The following KLHL32 variants were observed in gnomAD, a reference collection of about 807,000 sequenced individuals.
The protein encoded by KLHL32 is kelch-like protein 32.
KLHL32 carries 35 observed loss-of-function variants against 64.8 expected under a neutral mutation model. The ratio of observed to expected loss-of-function variants is 0.54; its 90% CI spans 0.41 to 0.72. The LOEUF is 0.72. Among genes scored for constraint, KLHL32 ranks in the 30% least tolerant of loss-of-function variants. KLHL32 has a pLI of 0.00. For synonymous variants in KLHL32, 259 were observed against 281.0 expected, an observed-to-expected ratio of 0.92 and a Z score of 0.78; for missense variants, 589 against 768.5, an observed-to-expected ratio of 0.77 and a Z score of 2.76.
intron 3 of KLHL32, chr6:96,994,513 T>G (rs959764240): frequency 7.1e-6 from 7 of 985,306 alleles, no homozygotes; most frequent in Non-Finnish European, 8.4e-6. Flanking sequence ...GGCAGTTTAT[T>G]TTGAAGCTCA....
At chr6:97,060,977 CAGG>C (rs1287287948) in intron 4 of KLHL32, among the ~76,000 whole-genome samples, 1 of 152,116 alleles carries the variant, frequency 6.6e-6, no homozygotes, top group Non-Finnish European at 1.5e-5. Context: ...CTACAAATTG[CAGG>C]AGATGTTCCT....
intron 3 of KLHL32, among the ~76,000 whole-genome samples, chr6:97,006,083 A>G (rs1779627534): frequency 6.6e-6 from 1 of 152,184 alleles, no homozygotes; most frequent in Middle Eastern, 3.4e-3. Context: ...TTTTCCCTCA[A>G]TGATCTAATA....
chr6:96,913,221 C>T, the KLHL32 span, among the ~76,000 whole-genome samples: 51 of 152,110 alleles, frequency 3.4e-4, no homozygotes, highest in African/African-American at 1.2e-3. Flanking sequence ...TTGGCAACAC[C>T]CCAGCAACTA....
At chr6:97,074,012 C>A (rs1469710841) in intron 5 of KLHL32, among the ~76,000 whole-genome samples, 1 of 152,226 alleles carries the variant, frequency 6.6e-6, no homozygotes, top group African/African-American at 2.4e-5. Flanking sequence ...ATACCCTGGC[C>A]TCAGTCCTGA....
In KLHL32 at chr6:96,966,999, G is replaced by T; in HGVS notation, c.-62G>T. ...TTTCTCTTGTCTTTTTATTCAGCTG[G>T]AATGCTTGCTGATTCCTCTGCACAC... On this transcript the variant is annotated 5_prime_UTR_variant, in exon 2 of 11. Coordinates refer to ENST00000369261, the MANE Select transcript of KLHL32 (RefSeq NM_052904.4). 6.7e-7 allele frequency: 1 copy of T among 1,492,410 alleles called. No individual in the cohort carries two copies. Among genetic ancestry groups the T allele is most frequent in the Non-Finnish European group, 9.3e-7 (1 of 1,070,912 alleles). 92.4% of individuals were successfully genotyped at this position (1,492,410 alleles called of 1,614,324 possible). A position where few individuals can be genotyped will look rare whatever the true frequency, so the allele number is the denominator to read the frequency against.
chr6:96,932,924 A>G (rs1335050967), intron 1 of KLHL32, among the ~76,000 whole-genome samples: 2 of 152,160 alleles, frequency 1.3e-5, no homozygotes, highest in African/African-American at 4.8e-5. Context: ...AATGTTAGCC[A>G]TCAGAAGCCT....
intron 6 of KLHL32, among the ~76,000 whole-genome samples, chr6:97,108,445 C>A (rs1796695511): frequency 6.6e-6 from 1 of 152,076 alleles, no homozygotes; most frequent in Non-Finnish European, 1.5e-5. Flanking sequence ...ATCAGCTTTC[C>A]TCTTACTGTA....
intron 4 of KLHL32, among the ~76,000 whole-genome samples, chr6:97,054,244 T>C (rs1368284969): frequency 6.6e-6 from 1 of 152,246 alleles, no homozygotes; most frequent in African/African-American, 2.4e-5. Flanking sequence ...AATGAAGGCA[T>C]AATTTGAATG....
chr6:97,122,064 G>A (rs1050287328), intron 7 of KLHL32, among the ~76,000 whole-genome samples: 4 of 152,102 alleles, frequency 2.6e-5, no homozygotes, highest in Admixed American at 6.6e-5. Flanking sequence ...ATTATAAAGG[G>A]CAGGTGAATC....
intron 1 of KLHL32, among the ~76,000 whole-genome samples, chr6:96,945,204 C>CA (rs1771771338): frequency 6.6e-6 from 1 of 152,258 alleles, no homozygotes; most frequent in African/African-American, 2.4e-5. Flanking sequence ...AATCCTAGCA[C>CA]ATGGCTGTGC....
intron 5 of KLHL32, among the ~76,000 whole-genome samples, chr6:97,068,814 G>C (rs1790231133): frequency 6.6e-6 from 1 of 152,154 alleles, no homozygotes; most frequent in South Asian, 2.1e-4. Context: ...TAAACCAGGG[G>C]CATGTCCAAT....
chr6:97,015,067 CT>C (rs1237859404), intron 3 of KLHL32, among the ~76,000 whole-genome samples: 4 of 152,114 alleles, frequency 2.6e-5, no homozygotes, highest in African/African-American at 9.7e-5. Flanking sequence ...TTTCTCTCCC[CT>C]GCTGCCTTCT....
At chr6:96,955,479 G>T (rs962705845) in intron 1 of KLHL32, among the ~76,000 whole-genome samples, 1 of 151,986 alleles carries the variant, frequency 6.6e-6, no homozygotes, top group African/African-American at 2.4e-5. Context: ...TAGTTTCAGT[G>T]AGGTTATTTC....
At chr6:97,137,702 T>G (rs574233312) in intron 10 of KLHL32, among the ~76,000 whole-genome samples, 1 of 152,108 alleles carries the variant, frequency 6.6e-6, no homozygotes, top group South Asian at 2.1e-4. Context: ...GCCTGGCTAA[T>G]TTTTTGTATT....
At chr6:97,067,279 C>T (rs541380137) in intron 5 of KLHL32, among the ~76,000 whole-genome samples, 1 of 152,332 alleles carries the variant, frequency 6.6e-6, no homozygotes, top group East Asian at 1.9e-4. Context: ...TTCATTTCCT[C>T]TGGCAGGCTG....
chr6:97,072,095 A>T (rs1482873859), intron 5 of KLHL32, among the ~76,000 whole-genome samples: 1 of 151,970 alleles, frequency 6.6e-6, no homozygotes, highest in African/African-American at 2.4e-5. Context: ...CAGGCACATG[A>T]CCTCTCTGAG....
At chr6:96,919,366 G>GGGAAAGGGTCA in the KLHL32 span, among the ~76,000 whole-genome samples, 2 of 152,104 alleles carry the variant, frequency 1.3e-5, no homozygotes, top group African/African-American at 2.4e-5. Context: ...TAAAGAGAAC[G>GGGAAAGGGTCA]GGAAAGGGTC....
At position 97,020,835 on chromosome 6, in the gene KLHL32, GC is replaced by G. The variant is rs552014271; in HGVS notation, c.205-20656del. ...TGGCTGCCCCTTCTGAACCTTCCTT[GC>G]TAGTTTTTCCCAATCTCCCCAGCTT... On this transcript the variant is annotated intron_variant, in intron 3 of 10. Coordinates refer to ENST00000369261, the MANE Select transcript of KLHL32 (RefSeq NM_052904.4). Among the ~76,000 whole-genome samples the G allele has an allele frequency of 2.2e-4, 33 of 150,702 alleles. 1 individual carries two copies. In the South Asian group the frequency reaches 6.8e-3, roughly 31 times the overall value.
chr6:96,954,401 A>C (rs1184330867), intron 1 of KLHL32, among the ~76,000 whole-genome samples: 1 of 150,602 alleles, frequency 6.6e-6, no homozygotes, highest in East Asian at 1.9e-4. Context: ...ATTAAAGAGA[A>C]AAAAAACTGG....
Sources: allele counts gnomAD v4.1 joint callset (sites outside exome capture counted in the v4.1 genomes callset), GRCh38; gene constraint gnomAD v4.1.1; transcripts MANE v1.5; gene names NCBI Gene and HGNC (gene_info 2026-07-23, HGNC 2026-07-21).